The following MAP4K5 variants were observed in gnomAD, a reference collection of about 807,000 sequenced individuals.
MAP4K5 encodes the protein MAPK/ERK kinase kinase kinase 5.
A neutral mutation model predicts 135.6 loss-of-function variants in MAP4K5; 82 were observed. The ratio of observed to expected loss-of-function variants is 0.60; its 90% confidence interval spans 0.51 to 0.73. MAP4K5 has a LOEUF of 0.73. Ranked by LOEUF, MAP4K5 falls within the 30% of genes least tolerant of loss-of-function variation. MAP4K5 has a pLI of 0.00. For missense variants in MAP4K5, 907 were observed against 1,010.9 expected (o/e 0.90, Z 1.39); for synonymous variants, 347 against 335.0 (o/e 1.04, Z -0.39).
chr14:50,515,197 T>A (rs989528529), intron 2 of MAP4K5, among the ~76,000 whole-genome samples: 1 of 152,178 alleles, frequency 6.6e-6, no homozygotes, highest in African/African-American at 2.4e-5. Flanking sequence ...CCATTGTGCC[T>A]AGCCAGTCAT....
chr14:50,476,328 A>G, intron 6 of MAP4K5, 22 bp from the exon 7 acceptor site: 1 of 1,309,636 alleles, frequency 7.6e-7, no homozygotes, highest in Non-Finnish European at 1.0e-6. Context: ...AAAAAAAAAA[A>G]AAAGAATGTA....
intron 13 of MAP4K5, among the ~76,000 whole-genome samples, chr14:50,459,791 A>G (rs2036670023): frequency 6.6e-6 from 1 of 150,984 alleles, no homozygotes; most frequent in Admixed American, 6.6e-5. Flanking sequence ...TTTGCTTCCC[A>G]GACTCAAGCG....
upstream of MAP4K5, among the ~76,000 whole-genome samples, chr14:50,537,095 T>C (rs753454117): frequency 8.5e-5 from 13 of 152,266 alleles, no homozygotes; most frequent in South Asian, 2.1e-4. Context: ...CCAGGAGACC[T>C]AGGAGGAAAA....
intron 1 of MAP4K5, among the ~76,000 whole-genome samples, chr14:50,554,679 A>T (rs76521201): frequency 6.6e-6 from 1 of 152,228 alleles, no homozygotes; most frequent in East Asian, 1.9e-4. Flanking sequence ...GCTCAAACAC[A>T]GTAGGCAAAG....
chr14:50,458,136 T>C (rs1200451881), intron 13 of MAP4K5, among the ~76,000 whole-genome samples: 3 of 152,152 alleles, frequency 2.0e-5, no homozygotes, highest in African/African-American at 7.2e-5. Flanking sequence ...TCTTCAAACC[T>C]ACCCATTTTC....
chr14:50,560,147 A>T, intron 1 of MAP4K5: 1 of 1,196,200 alleles, frequency 8.4e-7, no homozygotes, highest in Non-Finnish European at 1.2e-6. Context: ...ACATCCTCAG[A>T]GTCTGAGCGA....
intron 2 of MAP4K5, among the ~76,000 whole-genome samples, chr14:50,510,682 T>C (rs991265299): frequency 3.3e-5 from 5 of 152,180 alleles, no homozygotes; most frequent in African/African-American, 1.2e-4. Context: ...TTGAAGAAAA[T>C]TATTTGAAAA....
Position 50,448,648 on chromosome 14 carries a change from G to A in MAP4K5, c.1074+126C>T, listed in dbSNP as rs1454434731. Reference sequence around the variant, plus strand: ...TAAACTTTTAAAAACTTTAATACGGGAAAAATTGTCAAAATTAATGCTTAA... The same window carrying A: ...TAAACTTTTAAAAACTTTAATACGGAAAAAATTGTCAAAATTAATGCTTAA... On this transcript the variant is annotated intron_variant, in intron 15 of 32. Coordinates refer to ENST00000682126, the MANE Select transcript of MAP4K5 (RefSeq NM_006575.6). 2.6e-5 allele frequency: 15 copies of A among 567,618 alleles called. No individual in the cohort carries two copies. In the East Asian group the frequency reaches 4.6e-4, roughly 17 times the overall value. The allele number at this position is 567,618 out of a possible 1,614,324, so 35.2% of individuals were successfully genotyped here. A position where few individuals can be genotyped will look rare whatever the true frequency, so the allele number is the denominator to read the frequency against.
chr14:50,439,595 C>G (rs1462357959), intron 23 of MAP4K5, among the ~76,000 whole-genome samples: 1 of 152,122 alleles, frequency 6.6e-6, no homozygotes, highest in African/African-American at 2.4e-5. Context: ...ACCCCATCAT[C>G]CTCATTTTAT....
intron 3 of MAP4K5, among the ~76,000 whole-genome samples, chr14:50,490,556 G>A (rs2037462135): frequency 6.6e-6 from 1 of 152,178 alleles, no homozygotes; most frequent in Non-Finnish European, 1.5e-5. Context: ...GCTAAAAAGT[G>A]TACAAGTACA....
At chr14:50,422,442 C>G (rs1241597549) in intron 32 of MAP4K5, among the ~76,000 whole-genome samples, 1 of 152,074 alleles carries the variant, frequency 6.6e-6, no homozygotes, top group Non-Finnish European at 1.5e-5. Flanking sequence ...GGTTCCCAAT[C>G]CTTGTCTCAG....
chr14:50,533,399 G>A (rs113688925), upstream of MAP4K5: 7 of 152,168 alleles, frequency 4.6e-5, 1 homozygote, highest in South Asian at 2.1e-4. Flanking sequence ...CCAGGAAAGT[G>A]TTTATAAAGC....
chr14:50,512,379 C>G (rs2037948723), intron 2 of MAP4K5, among the ~76,000 whole-genome samples: 1 of 151,966 alleles, frequency 6.6e-6, no homozygotes, highest in South Asian at 2.1e-4. Flanking sequence ...CTGAGGGGCT[C>G]AGAAACAGAT....
chr14:50,430,280 C>T (rs2035939900), intron 28 of MAP4K5, among the ~76,000 whole-genome samples: 1 of 152,012 alleles, frequency 6.6e-6, no homozygotes, highest in Non-Finnish European at 1.5e-5. Context: ...TTAAACATGC[C>T]CAACTACATT....
At chr14:50,428,808 G>T (rs1198542027) in intron 29 of MAP4K5, 54 bp from the exon 30 acceptor site, 1 of 817,692 alleles carries the variant, frequency 1.2e-6, no homozygotes, top group Non-Finnish European at 1.9e-6. Context: ...TAAAATAAAT[G>T]TAACTTGATA....
At chr14:50,434,904 C>A in intron 27 of MAP4K5, 58 bp downstream of exon 27, 1 of 1,008,856 alleles carries the variant, frequency 9.9e-7, no homozygotes, top group Non-Finnish European at 1.5e-6. Flanking sequence ...CTAATTTTAG[C>A]TTCAGTTATA....
intron 2 of MAP4K5, 127 bp downstream of exon 2, chr14:50,531,815 C>CG: frequency 1.3e-6 from 1 of 752,022 alleles, no homozygotes; most frequent in South Asian, 1.5e-5. Flanking sequence ...AAAGGGACCC[C>CG]GGCCGCTTTC....
intron 1 of MAP4K5, among the ~76,000 whole-genome samples, chr14:50,548,493 G>A (rs548645044): frequency 7.2e-4 from 109 of 152,266 alleles, no homozygotes; most frequent in African/African-American, 2.6e-3. Context: ...AATGGTAACT[G>A]TAGGGTTTTG....
At chr14:50,557,533 C>A (rs1344820724) in intron 1 of MAP4K5, among the ~76,000 whole-genome samples, 2 of 152,192 alleles carry the variant, frequency 1.3e-5, no homozygotes, top group Non-Finnish European at 2.9e-5. Flanking sequence ...TTCTTTTTCA[C>A]ACCTACATAA....
Sources: allele counts gnomAD v4.1 joint callset (sites outside exome capture counted in the v4.1 genomes callset), GRCh38; gene constraint gnomAD v4.1.1; transcripts MANE v1.5; gene names NCBI Gene and HGNC (gene_info 2026-07-23, HGNC 2026-07-21).